C10orf71: variants seen among roughly 807,000 people sequenced by gnomAD.
C10orf71 encodes cardiac-enriched FHL2-interacting protein.
For synonymous variants in C10orf71, 758 were observed against 726.3 expected, an observed-to-expected ratio of 1.04 and a Z score of -0.70; for missense variants, 1,869 against 1,804.5, an observed-to-expected ratio of 1.04 and a Z score of -0.65.
In C10orf71 at chr10:49,327,102, C is replaced by A; in HGVS notation, c.*249C>A. On this transcript the variant is annotated 3_prime_UTR_variant, in exon 3 of 3. Coordinates refer to ENST00000374144, the MANE Select transcript of C10orf71 (RefSeq NM_001135196.2). ...CTTGCTTGGCCCGGTCCCCTCCGTG[C>A]CAGTTCCCAGGCGCACTCTACTCCA... The A allele has an allele frequency of 1.5e-6, 2 of 1,359,964 alleles. No individual in the cohort carries two copies. Among genetic ancestry groups the A allele is most frequent in the Non-Finnish European group, 2.0e-6 (2 of 1,016,870 alleles). 84.2% of individuals were successfully genotyped at this position (1,359,964 alleles called of 1,614,324 possible).
intron 1 of C10orf71, among the ~76,000 whole-genome samples, chr10:49,313,257 T>A (rs1486239153): frequency 6.6e-6 from 1 of 151,898 alleles, no homozygotes; most frequent in East Asian, 1.9e-4. Context: ...CATGTTGGAG[T>A]TAACCCAGTA....
intron 1 of C10orf71, among the ~76,000 whole-genome samples, chr10:49,312,793 G>C (rs1446593645): frequency 6.6e-6 from 1 of 152,128 alleles, no homozygotes; most frequent in Non-Finnish European, 1.5e-5. Flanking sequence ...CTCTTACCAT[G>C]GGGGGAATTT....
chr10:49,317,226 T>C (rs969221853), intron 2 of C10orf71, among the ~76,000 whole-genome samples: 1 of 152,104 alleles, frequency 6.6e-6, no homozygotes, highest in Non-Finnish European at 1.5e-5. Context: ...TCAGGTTCCA[T>C]CAAACCCCAC....
At chr10:49,313,293 G>A (rs1052113239) in intron 1 of C10orf71, among the ~76,000 whole-genome samples, 1 of 152,174 alleles carries the variant, frequency 6.6e-6, no homozygotes, top group Non-Finnish European at 1.5e-5. Context: ...AAGTAAAAAA[G>A]TCCAGGCAGA....
Position 49,326,228 on chromosome 10 carries a change from C to T in C10orf71, c.3683C>T (p.Pro1228Leu). The part of the protein sequence containing the change: ...QQRPLCPRER[P>L]RHNFPVVRSL... The stretch of plus-strand genomic sequence containing the variant: ...AGGCCGCTGTGCCCCAGAGAGAGGC[C>T]CCGACACAATTTCCCCGTGGTCCGT... Residue 1228 changes from proline (P) to leucine (L), a missense_variant, in exon 3 of 3, where the codon CCC becomes CTC. Physicochemically the swap from Pro to Leu is moderately conservative, Grantham distance 98. Transcript: ENST00000374144. The T allele has an allele frequency of 6.4e-7, 1 of 1,550,830 alleles. No homozygotes were observed. The highest frequency in any genetic ancestry group is 1.2e-5 in the South Asian group (1 of 84,058).
intron 1 of C10orf71, among the ~76,000 whole-genome samples, chr10:49,310,496 C>T (rs914708135): frequency 1.3e-5 from 2 of 152,188 alleles, no homozygotes; most frequent in African/African-American, 4.8e-5. Flanking sequence ...CAGTTCTTCC[C>T]TGTCTTTACA....
At position 49,324,785 on chromosome 10, in the gene C10orf71, G is replaced by A; in HGVS notation, c.2240G>A (p.Trp747Ter). The A allele has an allele frequency of 6.4e-7, 1 of 1,552,630 alleles. No individual in the cohort carries two copies. The highest frequency in any genetic ancestry group is 2.4e-5 in the East Asian group (1 of 40,950). ...FASFDDQQKM[W>*]FTENQREDRR... Reference sequence around the variant, plus strand: ...TCATTTGATGATCAGCAGAAGATGTGGTTTACTGAGAACCAGCGGGAAGAC... The same window carrying A: ...TCATTTGATGATCAGCAGAAGATGTAGTTTACTGAGAACCAGCGGGAAGAC... Residue 747 changes from tryptophan (W) to a stop codon, truncating the protein, a stop_gained, in exon 3 of 3, where the codon TGG (tryptophan) becomes TAG (stop). Coordinates refer to ENST00000374144, the MANE Select transcript of C10orf71 (RefSeq NM_001135196.2). LOFTEE classifies it low-confidence loss of function (END_TRUNC).
At position 49,316,773 on chromosome 10, in the gene C10orf71, C is replaced by T. The variant is rs565318734; in HGVS notation, c.-145+526C>T. Among the ~76,000 whole-genome samples, 5 of 152,296 alleles carry T rather than the reference C, an allele frequency of 3.3e-5. 1 individual carries two copies. The South Asian group carries it at 8.3e-4, about 25-fold the overall frequency. On this transcript the variant is annotated intron_variant, in intron 2 of 2. Coordinates refer to ENST00000374144, the MANE Select transcript of C10orf71 (RefSeq NM_001135196.2). ...TTGTGTAGCTCCAGGAGAATTGCTACAGTCCATGGGCCTGTCCTCGGTCTC... is the reference window on the plus strand; with the variant it reads ...TTGTGTAGCTCCAGGAGAATTGCTATAGTCCATGGGCCTGTCCTCGGTCTC...
intron 1 of C10orf71, among the ~76,000 whole-genome samples, chr10:49,304,410 G>T (rs1240877681): frequency 6.6e-6 from 1 of 152,142 alleles, no homozygotes; most frequent in South Asian, 2.1e-4. Context: ...TTTGCCAGTT[G>T]TTGCACCCAC....
Position 49,323,638 on chromosome 10 carries a change from G to C in C10orf71, c.1093G>C (p.Ala365Pro). The change falls in exon 3 of 3, where the codon GCT becomes CCT. Residue 365 changes from alanine (A) to proline (P), a missense_variant. Transcript: ENST00000374144. ...CCAGGTATTTGCTGTGGAAGGAAAA[G>C]CTCCCAGCTCACAACCTGATTCTCA... is the stretch of plus-strand genomic sequence containing the variant. ...GAQVFAVEGKAPSSQPDSQEK... is the reference protein window; with the variant it reads ...GAQVFAVEGKPPSSQPDSQEK... 6.2e-7 allele frequency: 1 copy of C among 1,606,582 alleles called. No individual in the cohort carries two copies. Among genetic ancestry groups the C allele is most frequent in the Non-Finnish European group, 8.5e-7 (1 of 1,177,728 alleles).
upstream of C10orf71, chr10:49,298,718 C>T (rs1034511294): frequency 5.9e-5 from 9 of 152,224 alleles, no homozygotes; most frequent in African/African-American, 2.2e-4. Context: ...ATTTCATATC[C>T]TTCTGTAACT....
chr10:49,304,577 T>C (rs1407330588), intron 1 of C10orf71, among the ~76,000 whole-genome samples: 2 of 152,214 alleles, frequency 1.3e-5, no homozygotes, highest in Non-Finnish European at 2.9e-5. Flanking sequence ...AGTTTGCATA[T>C]GGAGAACCTG....
chr10:49,324,165 C>T lies in C10orf71; in HGVS notation c.1620C>T (p.Asn540=), dbSNP rs749458818. 1.5e-5 allele frequency: 25 copies of T among 1,613,866 alleles called. No individual in the cohort carries two copies. The highest frequency in any genetic ancestry group is 3.3e-5 in the Admixed American group (2 of 60,008). The part of the protein sequence containing the change: ...KVDGKQEPVS[N]GVILPNGLEE... Reference sequence around the variant, plus strand: ...ATGGAAAGCAAGAACCTGTGAGCAACGGTGTCATCCTCCCCAATGGGCTTG... The same window carrying T: ...ATGGAAAGCAAGAACCTGTGAGCAATGGTGTCATCCTCCCCAATGGGCTTG... Residue 540 remains asparagine (N), a synonymous_variant, in exon 3 of 3, where the codon AAC becomes AAT. Coordinates refer to ENST00000374144, the MANE Select transcript of C10orf71 (RefSeq NM_001135196.2).
chr10:49,299,569 G>GGTGCT (rs1848689345), intron 1 of C10orf71: 1 of 152,596 alleles, frequency 6.6e-6, no homozygotes, highest in Non-Finnish European at 1.5e-5. Flanking sequence ...TCGGTGCCAG[G>GGTGCT]GTGCTGTGCA....
At chr10:49,316,816 T>C (rs2132420668) in intron 2 of C10orf71, among the ~76,000 whole-genome samples, 1 of 152,254 alleles carries the variant, frequency 6.6e-6, no homozygotes, top group Non-Finnish European at 1.5e-5. Flanking sequence ...CTCTTGGCCC[T>C]CGGGAGCCTC....
rs1262354283 is a variant in C10orf71, at chr10:49,323,219, C to T, written c.674C>T (p.Pro225Leu). ...GGAGAACAGGAGTCCTCCAAGAATC[C>T]AGAAATGGCCTGTCACGGCTCCAGC... ...KHGEQESSKN[P>L]EMACHGSSSF... Residue 225 changes from proline to leucine, a missense_variant, in exon 3 of 3, where the codon CCA (proline) becomes CTA (leucine). Transcript: ENST00000374144. 6.2e-7 allele frequency: 1 copy of T among 1,613,946 alleles called. No individual in the cohort carries two copies. The highest frequency in any genetic ancestry group is 1.7e-5 in the Admixed American group (1 of 60,026).
At chr10:49,308,210 G>A (rs1466769980) in intron 1 of C10orf71, among the ~76,000 whole-genome samples, 1 of 152,168 alleles carries the variant, frequency 6.6e-6, no homozygotes, top group African/African-American at 2.4e-5. Flanking sequence ...CAACCCCTGG[G>A]GCATCCTGGA....
intron 2 of C10orf71, among the ~76,000 whole-genome samples, chr10:49,320,480 C>A (rs1024461859): frequency 6.6e-6 from 1 of 152,184 alleles, no homozygotes; most frequent in Non-Finnish European, 1.5e-5. Flanking sequence ...AACAGACAAC[C>A]CAGCAGTCCC....
chr10:49,308,517 T>A (rs1848856165), intron 1 of C10orf71, among the ~76,000 whole-genome samples: 1 of 152,218 alleles, frequency 6.6e-6, no homozygotes, highest in Non-Finnish European at 1.5e-5. Flanking sequence ...ATGGCCAGAC[T>A]GGATGCACAA....
Sources: allele counts gnomAD v4.1 joint callset (sites outside exome capture counted in the v4.1 genomes callset), GRCh38; gene constraint gnomAD v4.1.1; transcripts MANE v1.5; gene names NCBI Gene and HGNC (gene_info 2026-07-23, HGNC 2026-07-21).